The following SCN2A variants were observed in gnomAD, a reference collection of about 807,000 sequenced individuals.
SCN2A encodes sodium channel protein type 2 subunit alpha.
In SCN2A, 20 loss-of-function variants were observed where a neutral mutation model predicts 188.7. The observed-to-expected ratio is 0.11, with a 90% CI of 0.07 to 0.15. SCN2A has a LOEUF of 0.15. SCN2A is among the 10% of genes least tolerant of loss of function. The pLI is 1.00. For synonymous variants in SCN2A, 804 were observed against 833.1 expected (o/e 0.97, Z 0.60); for missense variants, 1,278 against 2,445.0 (o/e 0.52, Z 10.07).
At chr2:165,351,716 C>T (rs1306377895) in intron 16 of SCN2A, among the ~76,000 whole-genome samples, 1 of 152,104 alleles carries the variant, frequency 6.6e-6, no homozygotes, top group South Asian at 2.1e-4. Context: ...CTTGAAAATG[C>T]TTTGCACAAT....
At chr2:165,377,445 G>A (rs894945683) in intron 22 of SCN2A, 152 bp from the exon 23 acceptor site, 11 of 597,656 alleles carry the variant, frequency 1.8e-5, no homozygotes, top group African/African-American at 1.1e-4. Context: ...AATGCATATC[G>A]CAAAACATTG....
intron 18 of SCN2A, 149 bp downstream of exon 18, chr2:165,365,412 A>AC: frequency 1.2e-6 from 1 of 824,230 alleles, no homozygotes; most frequent in Non-Finnish European, 1.8e-6. Flanking sequence ...AATCATCTAT[A>AC]CCTATCCAAC....
chr2:165,353,004 A>G (rs528452397), intron 16 of SCN2A, among the ~76,000 whole-genome samples: 3 of 150,768 alleles, frequency 2.0e-5, no homozygotes, highest in Non-Finnish European at 2.9e-5. Context: ...AAAAAATTAT[A>G]TGACTCAGTC....
chr2:165,350,558 C>T (rs1012256238), intron 16 of SCN2A, among the ~76,000 whole-genome samples: 2 of 143,888 alleles, frequency 1.4e-5, no homozygotes, highest in African/African-American at 5.2e-5. Flanking sequence ...CTGCAAGCTC[C>T]GCCTCCCGGG....
At chr2:165,345,677 G>A (rs111387314) in intron 16 of SCN2A, among the ~76,000 whole-genome samples, 1 of 151,890 alleles carries the variant, frequency 6.6e-6, no homozygotes, top group Non-Finnish European at 1.5e-5. Context: ...GCCAGTCTGT[G>A]TCTTTTAATT....
chr2:165,305,175 A>G (rs930393141), intron 3 of SCN2A, among the ~76,000 whole-genome samples: 4 of 152,214 alleles, frequency 2.6e-5, no homozygotes, highest in East Asian at 3.9e-4. Flanking sequence ...GAAATCTAAG[A>G]TTTCTCATAG....
chr2:165,341,640 G>C (rs1486917800), intron 14 of SCN2A, among the ~76,000 whole-genome samples: 2 of 152,198 alleles, frequency 1.3e-5, no homozygotes, highest in African/African-American at 4.8e-5. Context: ...GGGAAACAAA[G>C]TTCAGGCTGG....
chr2:165,365,349 C>A, intron 18 of SCN2A, 86 bp downstream of exon 18: 1 of 1,466,284 alleles, frequency 6.8e-7, no homozygotes, highest in Non-Finnish European at 9.5e-7. Flanking sequence ...GTTTATTTGT[C>A]TACCATCTAT....
At chr2:165,316,767 A>G (rs570275736) in intron 11 of SCN2A, among the ~76,000 whole-genome samples, 1 of 152,304 alleles carries the variant, frequency 6.6e-6, no homozygotes, top group African/African-American at 2.4e-5. Flanking sequence ...ACATTCTCAT[A>G]ATTAATGCTA....
chr2:165,248,252 C>A (rs983186623), intron 1 of SCN2A, among the ~76,000 whole-genome samples: 1 of 152,156 alleles, frequency 6.6e-6, no homozygotes, highest in Non-Finnish European at 1.5e-5. Flanking sequence ...ATCCAGTTTT[C>A]TCAGGGTAAA....
chr2:165,300,403 A>G (rs1696741342), intron 3 of SCN2A, among the ~76,000 whole-genome samples: 1 of 152,190 alleles, frequency 6.6e-6, no homozygotes, highest in Non-Finnish European at 1.5e-5. Context: ...GAAAGACAAT[A>G]AACAAATACG....
intron 15 of SCN2A, among the ~76,000 whole-genome samples, chr2:165,343,052 T>G (rs1157094712): frequency 6.6e-6 from 1 of 152,228 alleles, no homozygotes. Context: ...TTTGATCTTT[T>G]ATAAAAACTA....
At chr2:165,387,420 C>G (rs1337104254) in intron 26 of SCN2A, among the ~76,000 whole-genome samples, 1 of 152,036 alleles carries the variant, frequency 6.6e-6, no homozygotes, top group Admixed American at 6.5e-5. Flanking sequence ...TAAATATGAC[C>G]TCTTAAATAA....
At chr2:165,356,656 A>G (rs1700195154) in intron 17 of SCN2A, among the ~76,000 whole-genome samples, 1 of 152,244 alleles carries the variant, frequency 6.6e-6, no homozygotes, top group East Asian at 1.9e-4. Flanking sequence ...GGCTAGTTTA[A>G]TCTTTTAGCT....
intron 7 of SCN2A, 79 bp from the exon 8 acceptor site, chr2:165,311,946 A>T: frequency 1.1e-6 from 1 of 895,298 alleles, no homozygotes; most frequent in Non-Finnish European, 1.8e-6. Flanking sequence ...AACATTTGTG[A>T]GCTTTGCCAC....
chr2:165,328,490 G>A, intron 13 of SCN2A: 1 of 985,812 alleles, frequency 1.0e-6, no homozygotes, highest in Non-Finnish European at 1.2e-6. Flanking sequence ...TGCTACCGAT[G>A]TCAGCAGCAT....
intron 1 of SCN2A, 60 bp downstream of exon 1, chr2:165,239,700 A>C (rs947552812): frequency 1.3e-6 from 1 of 766,598 alleles, no homozygotes; most frequent in Non-Finnish European, 1.6e-6. Flanking sequence ...GTTAAGAATG[A>C]CATTTAATAT....
intron 1 of SCN2A, among the ~76,000 whole-genome samples, chr2:165,284,912 C>A (rs576936729): frequency 6.6e-6 from 1 of 152,202 alleles, no homozygotes; most frequent in African/African-American, 2.4e-5. Flanking sequence ...GCACTTAATA[C>A]ATCTGAAGAT....
At chr2:165,338,768 A>G (rs1291802536) in intron 14 of SCN2A, among the ~76,000 whole-genome samples, 1 of 152,202 alleles carries the variant, frequency 6.6e-6, no homozygotes, top group South Asian at 2.1e-4. Flanking sequence ...TGATCAATTA[A>G]TTGGCCATAT....
Sources: gnomAD v4.1 joint callset for allele counts (sites outside exome capture counted in the v4.1 genomes callset) on GRCh38, gnomAD v4.1.1 for gene constraint, MANE v1.5 for transcripts, NCBI Gene and HGNC (gene_info 2026-07-23, HGNC 2026-07-21) for gene names.